The following DNAH9 variants were observed in gnomAD, a reference collection of about 807,000 sequenced individuals.
DNAH9 encodes the protein dynein axonemal heavy chain 9.
DNAH9 carries 345 observed loss-of-function variants against 471.6 expected under a neutral mutation model. That is an observed-to-expected ratio of 0.73 (90% CI 0.67 to 0.80). The LOEUF (loss-of-function observed/expected upper bound fraction) is 0.80, where lower values mean the gene tolerates loss of function less well. Ranked by LOEUF, DNAH9 falls within the 30% of genes least tolerant of loss-of-function variation. The probability of loss-of-function intolerance (pLI) is 0.00; values close to 1 mark genes in which losing one functional copy is unlikely to be tolerated. For synonymous variants in DNAH9, 2,093 were observed against 2,123.6 expected, an observed-to-expected ratio of 0.99 and a Z score of 0.40; for missense variants, 5,407 against 5,609.2, an observed-to-expected ratio of 0.96 and a Z score of 1.15.
rs534511577 is a variant in DNAH9, at chr17:11,903,554, T to C, written c.11600+642T>C. Among the ~76,000 whole-genome samples, 394 of 152,246 alleles carry C rather than the reference T, an allele frequency of 2.6e-3. 1 individual carries two copies. The highest frequency in any genetic ancestry group is 3.5e-3 in the Non-Finnish European group (241 of 68,028). Reference sequence around the variant, plus strand: ...GTTATTTTTAAAAGAAAAAAGAAGTTGTAGGCCGTGGAGTCTATACTGGAT... The same window carrying C: ...GTTATTTTTAAAAGAAAAAAGAAGTCGTAGGCCGTGGAGTCTATACTGGAT... On this transcript the variant is annotated intron_variant, in intron 60 of 68. Transcript: ENST00000262442.
chr17:11,738,581 A>C (rs533206632), intron 28 of DNAH9, among the ~76,000 whole-genome samples: 3 of 152,230 alleles, frequency 2.0e-5, no homozygotes, highest in Non-Finnish European at 1.5e-5. Context: ...GGGTTTCACC[A>C]TGTTGGCCAG....
chr17:11,727,704 A>G (rs906538426), intron 27 of DNAH9, 114 bp from the exon 28 acceptor site: 8 of 681,568 alleles, frequency 1.2e-5, no homozygotes, highest in Non-Finnish European at 2.1e-5. Flanking sequence ...GTTTCTGACC[A>G]GTGGTCTTTA....
At chr17:11,603,460 C>T (rs1567656564) in intron 1 of DNAH9, among the ~76,000 whole-genome samples, 1 of 152,218 alleles carries the variant, frequency 6.6e-6, no homozygotes, top group Non-Finnish European at 1.5e-5. Flanking sequence ...CTCCTTGTAT[C>T]TTCTGCCATC....
rs779603094 is a variant in DNAH9, at chr17:11,669,667, GA to G, written c.3228del (p.Glu1076AspfsTer10). 3 of 1,614,142 alleles carry G rather than the reference GA, an allele frequency of 1.9e-6. No individual in the cohort carries two copies. In the South Asian group the frequency reaches 3.3e-5, roughly 18 times the overall value. ...GCTCTATGAAGAGGTGTGCAGGCTG[GA>G]ACCCATCAAGGTGTTTGACGGCTGG... ...ETLYEEVCRL[E>X]PIKVFDGWMK... On this transcript the variant is annotated frameshift_variant, in exon 17 of 69. Coordinates refer to ENST00000262442, the MANE Select transcript of DNAH9 (RefSeq NM_001372.4). LOFTEE classifies it high-confidence loss of function.
chr17:11,651,757 G>A (rs748918003), intron 13 of DNAH9, among the ~76,000 whole-genome samples: 7 of 152,166 alleles, frequency 4.6e-5, no homozygotes, highest in Non-Finnish European at 7.3e-5. Context: ...GCAGGGTACT[G>A]TGTGACAAAT....
At chr17:11,960,449 A>AT (rs1567579887) in intron 67 of DNAH9, among the ~76,000 whole-genome samples, 1 of 146,632 alleles carries the variant, frequency 6.8e-6, no homozygotes. Flanking sequence ...AAAAAAAAAA[A>AT]AAAAAAAAAA....
intron 15 of DNAH9, among the ~76,000 whole-genome samples, chr17:11,667,695 C>A (rs1459753918): frequency 6.6e-6 from 1 of 152,198 alleles, no homozygotes; most frequent in Non-Finnish European, 1.5e-5. Context: ...GCCTTGTCCT[C>A]ATTTCTGGGG....
In DNAH9 at chr17:11,914,265, G is replaced by A. The variant is rs1364614587; in HGVS notation, c.11749+8456G>A. 5.9e-5 allele frequency among the ~76,000 whole-genome samples: 9 copies of A among 152,270 alleles called. No individual in the cohort carries two copies. The South Asian group carries it at 1.0e-3, about 18-fold the overall frequency. On this transcript the variant is annotated intron_variant, in intron 61 of 68. Transcript: ENST00000262442. Reference sequence around the variant, plus strand: ...CCTTTTATTTATCTCAGGAGAAGAAGTAAATGCTTCACTTATCATTGTCAC... The same window carrying A: ...CCTTTTATTTATCTCAGGAGAAGAAATAAATGCTTCACTTATCATTGTCAC...
At chr17:11,913,589 T>C (rs578028929) in intron 61 of DNAH9, among the ~76,000 whole-genome samples, 1 of 152,226 alleles carries the variant, frequency 6.6e-6, no homozygotes, top group South Asian at 2.1e-4. Flanking sequence ...GAGACCATCC[T>C]GGCTAACACA....
chr17:11,956,052 C>G (rs930337760), intron 67 of DNAH9, among the ~76,000 whole-genome samples: 4 of 152,280 alleles, frequency 2.6e-5, no homozygotes, highest in Middle Eastern at 3.4e-3. Flanking sequence ...ATAGCAGTCT[C>G]AAGCTTGCCC....
At position 11,701,248 on chromosome 17, in the gene DNAH9, G is replaced by A. The variant is rs777167537; in HGVS notation, c.5151+1G>A. 3.1e-6 allele frequency: 5 copies of A among 1,613,058 alleles called. No homozygotes were observed. In the Admixed American group the frequency reaches 8.3e-5, roughly 27 times the overall value. On this transcript the variant is annotated splice_donor_variant, in intron 24 of 68. Transcript: ENST00000262442. LOFTEE classifies it high-confidence loss of function. ...GTGGCTTTTTGACCACCCAGCTCAG[G>A]TATTCTCCTAATGGGATCCCCATCC... is the stretch of plus-strand genomic sequence containing the variant.
chr17:11,667,296 A>T lies in DNAH9; in HGVS notation c.2732-1768A>T, dbSNP rs893641840. Among the ~76,000 whole-genome samples, 9 of 67,394 alleles carry T rather than the reference A, an allele frequency of 1.3e-4. No individual in the cohort carries two copies. The East Asian group carries it at 2.1e-3, about 16-fold the overall frequency. 44.2% of individuals were successfully genotyped at this position (67,394 alleles called of 152,430 possible). A position where few individuals can be genotyped will look rare whatever the true frequency, so the allele number is the denominator to read the frequency against. On this transcript the variant is annotated intron_variant, in intron 15 of 68. Transcript: ENST00000262442. ...TTATAAGCTATACTATTTTATAAAC[A>T]TAGTAGTTTTTATAAACTATACCAT...
chr17:11,880,018 G>A, intron 53 of DNAH9, 60 bp from the exon 54 acceptor site: 1 of 1,597,684 alleles, frequency 6.3e-7, no homozygotes, highest in South Asian at 1.1e-5. Flanking sequence ...CTCATTAAAT[G>A]GTCTCAACTC....
At chr17:11,745,592 A>G (rs1235254138) in intron 31 of DNAH9, among the ~76,000 whole-genome samples, 1 of 152,254 alleles carries the variant, frequency 6.6e-6, no homozygotes, top group Non-Finnish European at 1.5e-5. Flanking sequence ...ATGGACAGAC[A>G]CAGACACACA....
At chr17:11,853,384 A>G in intron 49 of DNAH9, 1 of 152,960 alleles carries the variant, frequency 6.5e-6, no homozygotes, top group East Asian at 1.9e-4. Context: ...GGTTTAAGTG[A>G]TTTGCCAAGA....
In DNAH9 at chr17:11,712,640, T is replaced by C. The variant is rs376052129; in HGVS notation, c.5553-6694T>C. ...CTGGTGGCTGTTAAGTAATATGACA[T>C]TTGGACTTTAATTCGCATTTTTCTA... On this transcript the variant is annotated intron_variant, in intron 26 of 68. Transcript: ENST00000262442. 1.6e-4 allele frequency among the ~76,000 whole-genome samples: 25 copies of C among 152,232 alleles called. No individual in the cohort carries two copies. In the South Asian group the frequency reaches 2.3e-3, roughly 14 times the overall value.
In DNAH9 at chr17:11,757,930, G is replaced by A. The variant is rs9900773; in HGVS notation, c.6995+238G>A. 7.3e-3 allele frequency among the ~76,000 whole-genome samples: 1,117 copies of A among 152,288 alleles called. 11 individuals carry two copies. Among genetic ancestry groups the A allele is most frequent in the African/African-American group, 0.025 (1,020 of 41,552 alleles). ...GGGAGGAAGATTGAAAGTCCCTTTC[G>A]TGAGTGCCACGTGGATGTATGTGAA... On this transcript the variant is annotated intron_variant, in intron 35 of 68. Coordinates refer to ENST00000262442, the MANE Select transcript of DNAH9 (RefSeq NM_001372.4).
chr17:11,654,441 CTATG>C (rs1389023933), intron 14 of DNAH9, among the ~76,000 whole-genome samples: 1 of 150,256 alleles, frequency 6.7e-6, no homozygotes, highest in Non-Finnish European at 1.5e-5. Context: ...TATCACCTAT[CTATG>C]TGATGACAAA....
intron 37 of DNAH9, among the ~76,000 whole-genome samples, chr17:11,768,889 C>A (rs1191672841): frequency 1.3e-5 from 2 of 152,076 alleles, no homozygotes; most frequent in African/African-American, 4.8e-5. Context: ...GAGAAAGAGG[C>A]CCGGGTGGTA....
Sources: allele counts gnomAD v4.1 joint callset (sites outside exome capture counted in the v4.1 genomes callset), GRCh38; gene constraint gnomAD v4.1.1; transcripts MANE v1.5; gene names NCBI Gene and HGNC (gene_info 2026-07-23, HGNC 2026-07-21).